SNX29: variants seen among roughly 807,000 people sequenced by gnomAD.
The protein encoded by SNX29 is sorting nexin-29.
In SNX29, 78 loss-of-function variants were observed where a neutral mutation model predicts 102.1. That is an observed-to-expected ratio of 0.76 (90% CI 0.64 to 0.92). The LOEUF (loss-of-function observed/expected upper bound fraction) is 0.92, where lower values mean the gene tolerates loss of function less well. Among genes scored for constraint, SNX29 ranks in the 40% least tolerant of loss-of-function variants. SNX29 has a pLI of 0.00. For synonymous variants in SNX29, 580 were observed against 414.5 expected (o/e 1.40, Z -4.85); for missense variants, 1,280 against 1,061.7 (o/e 1.21, Z -2.86).
chr16:12,570,159 C>G lies in SNX29; in HGVS notation c.*1530C>G, dbSNP rs773536110. 2.2e-5 allele frequency: 23 copies of G among 1,062,502 alleles called. No individual in the cohort carries two copies. The highest frequency in any genetic ancestry group is 2.6e-5 in the Non-Finnish European group (23 of 877,222). The allele number at this position is 1,062,502 out of a possible 1,614,324, so 65.8% of individuals were successfully genotyped here. On this transcript the variant is annotated 3_prime_UTR_variant, in exon 21 of 21. Transcript: ENST00000566228. ...AGGCTGAGATCACTCACACACAGCG[C>G]CCCCCCACCCCAGAGAAACCGAGTC... is the stretch of plus-strand genomic sequence containing the variant.
At chr16:12,463,139 C>T (rs2086884340) in intron 18 of SNX29, among the ~76,000 whole-genome samples, 2 of 152,250 alleles carry the variant, frequency 1.3e-5, no homozygotes, top group African/African-American at 4.8e-5. Context: ...GGCACTGCTG[C>T]CCGTCAGCGG....
At chr16:12,116,001 G>C (rs377266282) in intron 11 of SNX29, among the ~76,000 whole-genome samples, 48 of 152,318 alleles carry the variant, frequency 3.2e-4, no homozygotes, top group African/African-American at 1.0e-3. Flanking sequence ...AACAATATTT[G>C]GATTCATTGT....
chr16:12,540,875 C>T (rs1032542747), intron 20 of SNX29, among the ~76,000 whole-genome samples: 2 of 152,222 alleles, frequency 1.3e-5, no homozygotes, highest in African/African-American at 2.4e-5. Flanking sequence ...CCCTTTTCCA[C>T]TTCTGGACCC....
rs573601641 is a variant in SNX29 at position 12,366,154 on chromosome 16, C to T, written c.1899+9875C>T. ...ACCTGGGGTTCTGTGATGCAGTAAG[C>T]CTGAAAACTGTTGGATTAGAGATAG... is the stretch of plus-strand genomic sequence containing the variant. On this transcript the variant is annotated intron_variant, in intron 16 of 20. Coordinates refer to ENST00000566228, the MANE Select transcript of SNX29 (RefSeq NM_032167.5). Among the ~76,000 whole-genome samples, 4 of 151,374 alleles carry T rather than the reference C, an allele frequency of 2.6e-5. No individual in the cohort carries two copies. In the South Asian group the frequency reaches 8.3e-4, roughly 32 times the overall value.
intron 9 of SNX29, among the ~76,000 whole-genome samples, chr16:12,062,245 G>C (rs1001307826): frequency 4.6e-5 from 7 of 151,928 alleles, no homozygotes; most frequent in Non-Finnish European, 8.8e-5. Flanking sequence ...TGGGTATGGT[G>C]GTGTGTGCCT....
intron 18 of SNX29, among the ~76,000 whole-genome samples, chr16:12,464,542 C>T (rs1246402900): frequency 6.6e-6 from 1 of 152,156 alleles, no homozygotes; most frequent in Non-Finnish European, 1.5e-5. Flanking sequence ...CAGCCTCCAC[C>T]TCCTGGGCTC....
At chr16:12,144,101 C>T (rs777984053) in intron 13 of SNX29, among the ~76,000 whole-genome samples, 3 of 152,170 alleles carry the variant, frequency 2.0e-5, no homozygotes, top group South Asian at 2.1e-4. Flanking sequence ...TCCCAGGTGA[C>T]ACTGATGCTG....
At chr16:12,118,960 C>T (rs2053859912) in intron 11 of SNX29, among the ~76,000 whole-genome samples, 1 of 152,132 alleles carries the variant, frequency 6.6e-6, no homozygotes, top group Non-Finnish European at 1.5e-5. Flanking sequence ...GTAAAAATGG[C>T]GGTGCAAATG....
chr16:12,571,968 T>G lies in SNX29; in HGVS notation c.*3339T>G. The G allele has an allele frequency of 1.9e-6, 2 of 1,061,762 alleles. No homozygotes were observed. Among genetic ancestry groups the G allele is most frequent in the Non-Finnish European group, 1.1e-6 (1 of 877,082 alleles). The allele number at this position is 1,061,762 out of a possible 1,614,324, so 65.8% of individuals were successfully genotyped here. A position where few individuals can be genotyped will look rare whatever the true frequency, so the allele number is the denominator to read the frequency against. On this transcript the variant is annotated 3_prime_UTR_variant, in exon 21 of 21. Transcript: ENST00000566228. ...GGGAAGAGGCTCTTACAGTCTATGGTGGTAGCCATCTTCACATCCAGTCAC... is the reference window on the plus strand; with the variant it reads ...GGGAAGAGGCTCTTACAGTCTATGGGGGTAGCCATCTTCACATCCAGTCAC...
intron 14 of SNX29, among the ~76,000 whole-genome samples, chr16:12,247,959 G>A (rs1439597718): frequency 6.6e-6 from 1 of 152,100 alleles, no homozygotes; most frequent in Non-Finnish European, 1.5e-5. Flanking sequence ...TGGAACAAGG[G>A]CAGGGCTGAC....
At position 12,447,983 on chromosome 16, in the gene SNX29, G is replaced by A. The variant is rs555154370; in HGVS notation, c.2038-29736G>A. 2.6e-5 allele frequency among the ~76,000 whole-genome samples: 4 copies of A among 152,284 alleles called. No homozygotes were observed. In the South Asian group the frequency reaches 6.2e-4, roughly 24 times the overall value. On this transcript the variant is annotated intron_variant, in intron 18 of 20. Transcript: ENST00000566228. ...GCTGAGATCATTCACATCTAGCACCGGGAAGGCCTAGGATTGGGGCTTGGG... is the reference window on the plus strand; with the variant it reads ...GCTGAGATCATTCACATCTAGCACCAGGAAGGCCTAGGATTGGGGCTTGGG...
intron 15 of SNX29, among the ~76,000 whole-genome samples, chr16:12,289,361 G>A (rs556381769): frequency 8.2e-4 from 125 of 152,364 alleles, no homozygotes; most frequent in Non-Finnish European, 1.3e-3. Context: ...CCTGGGGCAT[G>A]TTCAGGTGCA....
At chr16:12,312,804 A>G (rs1047265135) in intron 15 of SNX29, among the ~76,000 whole-genome samples, 1 of 152,068 alleles carries the variant, frequency 6.6e-6, no homozygotes, top group African/African-American at 2.4e-5. Context: ...GGCAATGGAG[A>G]TAGAGGATGT....
chr16:12,473,245 T>G (rs1015653949), intron 18 of SNX29, among the ~76,000 whole-genome samples: 6 of 152,242 alleles, frequency 3.9e-5, no homozygotes, highest in Non-Finnish European at 8.8e-5. Context: ...ACTTTGGATG[T>G]TTGAAGCACT....
chr16:12,292,394 G>GT (rs771480676), intron 15 of SNX29, among the ~76,000 whole-genome samples: 1 of 152,116 alleles, frequency 6.6e-6, no homozygotes, highest in African/African-American at 2.4e-5. Context: ...CCTTTTCCTC[G>GT]TTTTTTCTGT....
chr16:12,321,723 G>A (rs952411131), intron 15 of SNX29, among the ~76,000 whole-genome samples: 6 of 152,144 alleles, frequency 3.9e-5, no homozygotes, highest in Admixed American at 6.5e-5. Context: ...TGAGGGCCCC[G>A]GGGAGAAGAA....
chr16:12,450,944 A>G (rs1224940746), intron 18 of SNX29, among the ~76,000 whole-genome samples: 1 of 152,110 alleles, frequency 6.6e-6, no homozygotes, highest in Non-Finnish European at 1.5e-5. Context: ...TTGCCCAGTA[A>G]GCAAACCGAG....
intron 19 of SNX29, among the ~76,000 whole-genome samples, chr16:12,519,339 A>G (rs568045988): frequency 6.6e-6 from 1 of 152,184 alleles, no homozygotes; most frequent in Admixed American, 6.5e-5. Context: ...ATTGCATTCA[A>G]CCTATTAAAG....
intron 11 of SNX29, chr16:12,086,655 T>G (rs1321940720): frequency 6.6e-6 from 1 of 152,020 alleles, no homozygotes; most frequent in Non-Finnish European, 1.5e-5. Context: ...TCTCAGATAA[T>G]CCTCCCGCCT....
Sources: gnomAD v4.1 joint callset for allele counts (sites outside exome capture counted in the v4.1 genomes callset) on GRCh38, gnomAD v4.1.1 for gene constraint, MANE v1.5 for transcripts, NCBI Gene and HGNC (gene_info 2026-07-23, HGNC 2026-07-21) for gene names.